Variants in NXF3 observed in about 807,000 individuals in gnomAD.
The protein encoded by NXF3 is TAP-like protein 3.
Under a neutral mutation model 48.4 loss-of-function variants are expected in NXF3, and 34 were observed. That is an observed-to-expected ratio of 0.70 (90% confidence interval 0.53 to 0.93). The LOEUF is 0.93. Ranked by LOEUF, NXF3 falls within the 40% of genes least tolerant of loss-of-function variation. NXF3 has a pLI of 0.00. For missense variants in NXF3, 359 were observed against 406.1 expected, an observed-to-expected ratio of 0.88 and a Z score of 1.00; for synonymous variants, 132 against 145.7, an observed-to-expected ratio of 0.91 and a Z score of 0.68.
At position 103,079,371 on chromosome X, in the gene NXF3, C is replaced by T. The variant is rs749855753; in HGVS notation, c.1323G>A (p.Met441Ile). 8.3e-7 allele frequency: 1 copy of T among 1,210,840 alleles called. No homozygotes were observed. Among genetic ancestry groups the T allele is most frequent in the Non-Finnish European group, 1.1e-6 (1 of 894,525 alleles). The change falls in exon 15 of 20, where the codon ATG (methionine) becomes ATA (isoleucine). Residue 441 changes from methionine to isoleucine, a missense_variant. Met to Ile is a conservative substitution (Grantham distance 10, BLOSUM62 1). Transcript: ENST00000395065. ...AGCAGGTACTCACCGTCTGGTACCA[C>T]ATGTCCACCAGGAAGGAGCTGAGGT... is the stretch of plus-strand genomic sequence containing the variant. Reference protein sequence around the residue: ...QHDLSSFLVDMWYQTEWMLCF... With the variant: ...QHDLSSFLVDIWYQTEWMLCF...
At chrX:103,077,832 C>A in intron 17 of NXF3, 86 bp from the exon 18 acceptor site, 1 of 1,086,471 alleles carries the variant, frequency 9.2e-7, no homozygotes, top group Non-Finnish European at 1.3e-6. Context: ...TGTTCAGCAA[C>A]CTGATTTCTT....
Position 103,079,206 on chromosome X carries a change from T to A in NXF3, c.1378+15A>T. 5 of 1,208,186 alleles carry A rather than the reference T, an allele frequency of 4.1e-6. No individual in the cohort carries two copies. Among genetic ancestry groups the A allele is most frequent in the Non-Finnish European group, 5.6e-6 (5 of 892,379 alleles). Reference sequence around the variant, plus strand: ...GGAGTGGGGGATCTGGGGAAGGGACTCTACAGACACTCACCTTCCTTGAAC... The same window carrying A: ...GGAGTGGGGGATCTGGGGAAGGGACACTACAGACACTCACCTTCCTTGAAC... On this transcript the variant is annotated intron_variant, in intron 16 of 19. Transcript: ENST00000395065.
At chrX:103,077,412 A>G (rs996236401) in intron 18 of NXF3, among the ~76,000 whole-genome samples, 1 of 109,739 alleles carries the variant, frequency 9.1e-6, no homozygotes, top group African/African-American at 3.3e-5. Context: ...CACCACGCCC[A>G]GCTAATTTTT....
At chrX:103,086,072 A>C (rs745434314) in intron 1 of NXF3, among the ~76,000 whole-genome samples, 10 of 110,076 alleles carry the variant, frequency 9.1e-5, no homozygotes, top group African/African-American at 2.6e-4. Flanking sequence ...TTGGCCTCTC[A>C]AACTGCTGGG....
chrX:103,091,306 A>G (rs111398273), intron 1 of NXF3, among the ~76,000 whole-genome samples: 2,362 of 112,351 alleles, frequency 0.021, 33 homozygotes, highest in Non-Finnish European at 0.031. Flanking sequence ...TGAAGTACCT[A>G]TAACAAAACA....
rs184306760 is a variant in NXF3 at position 103,091,330 on chromosome X, G to A, written c.28+1666C>T. Among the ~76,000 whole-genome samples the A allele has an allele frequency of 4.7e-4, 53 of 112,029 alleles. 2 individuals are homozygous for A. The highest frequency in any genetic ancestry group is 1.6e-3 in the African/African-American group (49 of 30,856). On this transcript the variant is annotated intron_variant, in intron 1 of 19. Transcript: ENST00000395065. Reference sequence around the variant, plus strand: ...TATAACAAAACACAGTTGGTCCTCCGTATCCACGGACTCTGCCTCTGTGAA... The same window carrying A: ...TATAACAAAACACAGTTGGTCCTCCATATCCACGGACTCTGCCTCTGTGAA...
chrX:103,077,547 C>A, intron 18 of NXF3, 67 bp downstream of exon 18: 2 of 1,169,382 alleles, frequency 1.7e-6, no homozygotes, highest in Non-Finnish European at 2.3e-6. Flanking sequence ...CCACCGCGCC[C>A]GGCCCAGCAC....
At chrX:103,077,808 G>A in intron 17 of NXF3, 62 bp from the exon 18 acceptor site, 1 of 1,164,385 alleles carries the variant, frequency 8.6e-7, no homozygotes, top group Non-Finnish European at 1.2e-6. Context: ...CCGCTACAAG[G>A]ATCTTTTTCC....
At chrX:103,079,007 GT>G (rs900122312) in intron 16 of NXF3, among the ~76,000 whole-genome samples, 1 of 112,653 alleles carries the variant, frequency 8.9e-6, no homozygotes, top group African/African-American at 3.2e-5. Context: ...CACAGTCTGT[GT>G]GCTTAACGCA....
intron 8 of NXF3, 149 bp from the exon 9 acceptor site, chrX:103,082,513 T>C (rs1052505079): frequency 4.2e-6 from 2 of 473,835 alleles, no homozygotes; most frequent in African/African-American, 4.8e-5. Context: ...TTCAAAGAAC[T>C]ATCTGAGTAT....
At chrX:103,092,904 G>A in intron 1 of NXF3, 92 bp downstream of exon 1, 1 of 894,738 alleles carries the variant, frequency 1.1e-6, no homozygotes, top group Non-Finnish European at 1.6e-6. Context: ...GATTGGCTGG[G>A]TGTTATGTGG....
chrX:103,087,829 A>T (rs1182263708), intron 1 of NXF3: 3 of 921,978 alleles, frequency 3.3e-6, no homozygotes, highest in Non-Finnish European at 4.7e-6. Context: ...CACATTCAGA[A>T]GACCTTTTCA....
chrX:103,080,646 A>C, intron 9 of NXF3, 34 bp from the exon 10 acceptor site: 1 of 1,192,537 alleles, frequency 8.4e-7, no homozygotes, highest in African/African-American at 1.7e-5. Context: ...GACAACGGTA[A>C]GTGAAACTGT....
In NXF3 at chrX:103,088,794, T is replaced by C. The variant is rs1602891739; in HGVS notation, c.29-3911A>G. On this transcript the variant is annotated intron_variant, in intron 1 of 19. Coordinates refer to ENST00000395065, the MANE Select transcript of NXF3 (RefSeq NM_022052.2). ...ACAGATTCATAATGAAAAGAGTCCT[T>C]ATGCATCCCTTTGCCAAGTAGAATT... The C allele has an allele frequency of 4.5e-6, 5 of 1,122,960 alleles. No individual in the cohort carries two copies. In the East Asian group the frequency reaches 1.2e-4, roughly 27 times the overall value. 92.5% of individuals were successfully genotyped at this position (1,122,960 alleles called of 1,213,427 possible).
Position 103,084,889 on chromosome X carries a change from A to G in NXF3, c.29-6T>C, listed in dbSNP as rs1922108193. The G allele has an allele frequency of 8.3e-7, 1 of 1,201,639 alleles. No homozygotes were observed. Among genetic ancestry groups the G allele is most frequent in the Admixed American group, 2.2e-5 (1 of 45,540 alleles). ...AACAACTTGATCAGTGTGACCTTAA[A>G]TTAAGAACAGCACATCAACACTTAG... On this transcript the variant is annotated splice_polypyrimidine_tract_variant and splice_region_variant and intron_variant, in intron 1 of 19. Transcript: ENST00000395065.
chrX:103,083,342 A>G lies in NXF3; in HGVS notation c.540+56T>C, dbSNP rs1026564876. The G allele has an allele frequency of 9.8e-5, 114 of 1,163,733 alleles. No individual in the cohort carries two copies. In the African/African-American group the frequency reaches 1.9e-3, roughly 19 times the overall value. ...GACCCCCAAGATCAAGCAAGACCTT[A>G]CCCTTGCCCTGCCCTCTTGCTCGAT... is the stretch of plus-strand genomic sequence containing the variant. On this transcript the variant is annotated intron_variant, in intron 5 of 19. Transcript: ENST00000395065.
chrX:103,089,130 CACTA>C (rs1922219152), intron 1 of NXF3: 1 of 837,024 alleles, frequency 1.2e-6, no homozygotes, highest in Non-Finnish European at 1.8e-6. Context: ...ACTGGAAAAA[CACTA>C]ACTAATTCAT....
At chrX:103,082,956 C>T (rs771452807) in intron 7 of NXF3, 48 bp downstream of exon 7, 9 of 1,165,639 alleles carry the variant, frequency 7.7e-6, no homozygotes, top group Non-Finnish European at 1.1e-5. Context: ...CCATCTCACA[C>T]AGACACCTCT....
intron 18 of NXF3, 21 bp downstream of exon 18, chrX:103,077,593 C>A (rs371304447): frequency 2.5e-6 from 3 of 1,207,176 alleles, no homozygotes; most frequent in Non-Finnish European, 1.1e-6. Flanking sequence ...ATCCCCCAGA[C>A]TGGGCAGAGA....
Sources: gnomAD v4.1 joint callset for allele counts (sites outside exome capture counted in the v4.1 genomes callset) on GRCh38, gnomAD v4.1.1 for gene constraint, MANE v1.5 for transcripts, NCBI Gene and HGNC (gene_info 2026-07-23, HGNC 2026-07-21) for gene names.